Variants in ZSCAN12 observed in about 807,000 individuals in gnomAD.
ZSCAN12 encodes the protein zinc finger and SCAN domain-containing protein 12.
In ZSCAN12, 18 loss-of-function variants were observed where a neutral mutation model predicts 23.4. The ratio of observed to expected loss-of-function variants is 0.77; its 90% CI spans 0.53 to 1.14. The LOEUF is 1.14. Among genes scored for constraint, ZSCAN12 ranks in the 50% most tolerant of loss-of-function variants. ZSCAN12 has a pLI of 0.00. For synonymous variants in ZSCAN12, 186 were observed against 253.4 expected (o/e 0.73, Z 2.53); for missense variants, 650 against 735.0 (o/e 0.88, Z 1.34).
rs150809031 is a variant in ZSCAN12 at position 28,394,344 on chromosome 6, T to C, written c.403-1298A>G. On this transcript the variant is annotated intron_variant, in intron 2 of 3. Transcript: ENST00000684592. ...GATTGGCATACAACAGGTTCTCAAA[T>C]TACTCCCCCATTCTCTTCAAAGGTT... is the stretch of plus-strand genomic sequence containing the variant. 1.3e-3 allele frequency among the ~76,000 whole-genome samples: 197 copies of C among 152,312 alleles called. 6 individuals carry two copies. In the South Asian group the frequency reaches 0.035, roughly 27 times the overall value.
At position 28,391,809 on chromosome 6, in the gene ZSCAN12, G is replaced by T; in HGVS notation, c.548-67C>A. 1.6e-6 allele frequency: 2 copies of T among 1,286,816 alleles called. No homozygotes were observed. Among genetic ancestry groups the T allele is most frequent in the Non-Finnish European group, 2.1e-6 (2 of 967,766 alleles). The allele number at this position is 1,286,816 out of a possible 1,614,324, so 79.7% of individuals were successfully genotyped here. ...ATGTATCCATACATTTTAATATTAA[G>T]CAGCTGTTTAGAAATAAAAAATGCA... On this transcript the variant is annotated intron_variant, in intron 3 of 3. Transcript: ENST00000684592. The surrounding 1 kb of genome is among the most constrained non-coding windows in gnomAD (Gnocchi z 4.1).
rs763322065 is a variant in ZSCAN12, at chr6:28,386,791, G to T, written c.*3663C>A. Among the ~76,000 whole-genome samples the T allele has an allele frequency of 9.9e-5, 15 of 152,066 alleles. No individual in the cohort carries two copies. The highest frequency in any genetic ancestry group is 2.6e-4 in the Admixed American group (4 of 15,276). Reference sequence around the variant, plus strand: ...GTACTACAACTGTATTTAAGCATGAGAAATAACCAGAACAAAACCCCCACG... The same window carrying T: ...GTACTACAACTGTATTTAAGCATGATAAATAACCAGAACAAAACCCCCACG... On this transcript the variant is annotated 3_prime_UTR_variant, in exon 4 of 4. Coordinates refer to ENST00000684592, the MANE Select transcript of ZSCAN12 (RefSeq NM_001163391.2).
rs985384979 is a variant in ZSCAN12 at position 28,390,158 on chromosome 6, A to G, written c.*296T>C. 7.2e-5 allele frequency among the ~76,000 whole-genome samples: 11 copies of G among 152,208 alleles called. No individual in the cohort carries two copies. Among genetic ancestry groups the G allele is most frequent in the African/African-American group, 2.7e-4 (11 of 41,458 alleles). ...CAGCACTTATAGTCTGTTACAAAGT[A>G]CCACTTTCATTCGACACCATCTGGT... On this transcript the variant is annotated 3_prime_UTR_variant, in exon 4 of 4. Transcript: ENST00000684592.
chr6:28,396,440 C>G (rs2113996745), intron 2 of ZSCAN12, among the ~76,000 whole-genome samples: 1 of 152,234 alleles, frequency 6.6e-6, no homozygotes, highest in East Asian at 1.9e-4. Flanking sequence ...CTTAAAATCC[C>G]TAGTGTTTAG....
At position 28,391,460 on chromosome 6, in the gene ZSCAN12, T is replaced by A; in HGVS notation, c.830A>T (p.Asp277Val). ...CTGACTAAAAGCTTTTCCACAGTCA[T>A]CACATCCGTAAGATTCTTCTCCTGG... Reference protein sequence around the residue: ...ICPGEESYGCDDCGKAFSQHS... With the variant: ...ICPGEESYGCVDCGKAFSQHS... Residue 277 changes from aspartate to valine, a missense_variant, in exon 4 of 4, where the codon GAT becomes GTT. Asp to Val is a radical substitution (Grantham distance 152, BLOSUM62 -3). Coordinates refer to ENST00000684592, the MANE Select transcript of ZSCAN12 (RefSeq NM_001163391.2). The surrounding 1 kb of genome is among the most constrained non-coding windows in gnomAD (Gnocchi z 4.1). 2.6e-6 allele frequency: 4 copies of A among 1,551,886 alleles called. No homozygotes were observed. The highest frequency in any genetic ancestry group is 3.5e-6 in the Non-Finnish European group (4 of 1,147,046).
downstream of ZSCAN12, chr6:28,382,204 T>C: frequency 3.5e-6 from 1 of 286,150 alleles, no homozygotes; most frequent in Non-Finnish European, 6.4e-6. Context: ...TATCTGCAGC[T>C]TCACAAGTAG....
chr6:28,399,156 T>G (rs9468369), intron 1 of ZSCAN12, among the ~76,000 whole-genome samples: 4 of 152,212 alleles, frequency 2.6e-5, no homozygotes, highest in African/African-American at 9.6e-5. Flanking sequence ...TCCAGATGTC[T>G]GGTGGAAACC....
Position 28,391,355 on chromosome 6 carries a change from C to T in ZSCAN12, c.935G>A (p.Arg312His), listed in dbSNP as rs866350017. 5.9e-5 allele frequency: 91 copies of T among 1,552,128 alleles called. No individual in the cohort carries two copies. Among genetic ancestry groups the T allele is most frequent in the Middle Eastern group, 5.0e-4 (3 of 5,994 alleles). The part of the protein sequence containing the change: ...YKCEECGKAF[R>H]GRTVLIRHKI... ...GTGTCGAATAAGCACAGTTCTCCCACGGAAAGCTTTTCCACATTCTTCGCA... is the reference window on the plus strand; with the variant it reads ...GTGTCGAATAAGCACAGTTCTCCCATGGAAAGCTTTTCCACATTCTTCGCA... Residue 312 changes from arginine to histidine, a missense_variant, in exon 4 of 4, where the codon CGT (arginine) becomes CAT (histidine). Coordinates refer to ENST00000684592, the MANE Select transcript of ZSCAN12 (RefSeq NM_001163391.2). This position sits in a 1 kb window ranked among gnomAD's most constrained non-coding sequence, Gnocchi z 4.1.
rs1457046061 is a variant in ZSCAN12, at chr6:28,389,947, A to G, written c.*507T>C. On this transcript the variant is annotated 3_prime_UTR_variant, in exon 4 of 4. Transcript: ENST00000684592. ...GCTATTGATTGCCCAATTTGCACGA[A>G]CCTTTTACTTCAGGTTGGCTAGTCT... is the stretch of plus-strand genomic sequence containing the variant. 6.6e-6 allele frequency among the ~76,000 whole-genome samples: 1 copy of G among 152,136 alleles called. No individual in the cohort carries two copies. The highest frequency in any genetic ancestry group is 1.5e-5 in the Non-Finnish European group (1 of 68,018).
chr6:28,391,582 G>A lies in ZSCAN12; in HGVS notation c.708C>T (p.Pro236=), dbSNP rs992559906. 2 of 1,552,136 alleles carry A rather than the reference G, an allele frequency of 1.3e-6. No homozygotes were observed. Among genetic ancestry groups the A allele is most frequent in the African/African-American group, 2.7e-5 (2 of 73,038 alleles). The change falls in exon 4 of 4, where the codon CCC becomes CCT. Residue 236 remains proline (P), a synonymous_variant. Coordinates refer to ENST00000684592, the MANE Select transcript of ZSCAN12 (RefSeq NM_001163391.2). This position sits in a 1 kb window ranked among gnomAD's most constrained non-coding sequence, Gnocchi z 4.1. ...GTTTATCTTCTCTGGAGCAAGCAGAGGGCTCTTCTGTTATTTCTTCAGGTT... is the reference window on the plus strand; with the variant it reads ...GTTTATCTTCTCTGGAGCAAGCAGAAGGCTCTTCTGTTATTTCTTCAGGTT... ...TREPEEITEE[P]SACSREDKQP...
chr6:28,383,464 T>G (rs1760386842), downstream of ZSCAN12, among the ~76,000 whole-genome samples: 1 of 152,110 alleles, frequency 6.6e-6, no homozygotes, highest in South Asian at 2.1e-4. Flanking sequence ...TTCTCTAGGA[T>G]TCTGGAGGCT....
At chr6:28,394,624 C>T (rs1008647953) in intron 2 of ZSCAN12, among the ~76,000 whole-genome samples, 25 of 152,168 alleles carry the variant, frequency 1.6e-4, no homozygotes, top group African/African-American at 5.3e-4. Flanking sequence ...TTATATGCCC[C>T]TGCAGTGCTT....
chr6:28,394,151 G>C (rs1316147085), intron 2 of ZSCAN12, among the ~76,000 whole-genome samples: 1 of 151,994 alleles, frequency 6.6e-6, no homozygotes, highest in Non-Finnish European at 1.5e-5. Context: ...ATTTCCTCTT[G>C]CATTTAAAAA....
chr6:28,397,679 C>T (rs1761181637), intron 2 of ZSCAN12, among the ~76,000 whole-genome samples: 1 of 152,134 alleles, frequency 6.6e-6, no homozygotes, highest in African/African-American at 2.4e-5. Context: ...TATTGTGCAA[C>T]AGAGTGATGC....
rs1318713083 is a variant in ZSCAN12 at position 28,391,495 on chromosome 6, C to G, written c.795G>C (p.Gln265His). ...LTENSDHTEH[Q>H]RICPGEESYG... The stretch of plus-strand genomic sequence containing the variant: ...AAGATTCTTCTCCTGGACAGATTCT[C>G]TGATGTTCAGTATGGTCAGAGTTCT... Residue 265 changes from glutamine to histidine, a missense_variant, in exon 4 of 4, where the codon CAG becomes CAC. Physicochemically the swap from Gln to His is conservative, Grantham distance 24. Coordinates refer to ENST00000684592, the MANE Select transcript of ZSCAN12 (RefSeq NM_001163391.2). This position sits in a 1 kb window ranked among gnomAD's most constrained non-coding sequence, Gnocchi z 4.1. 2 of 1,551,842 alleles carry G rather than the reference C, an allele frequency of 1.3e-6. No homozygotes were observed. Among genetic ancestry groups the G allele is most frequent in the Admixed American group, 2.0e-5 (1 of 50,984 alleles).
chr6:28,382,581 G>T, downstream of ZSCAN12: 1 of 1,545,282 alleles, frequency 6.5e-7, no homozygotes, highest in Non-Finnish European at 8.8e-7. Context: ...TGATTTTTCA[G>T]AAGTATTTCC....
intron 2 of ZSCAN12, among the ~76,000 whole-genome samples, chr6:28,397,170 C>A (rs1761151975): frequency 6.6e-6 from 1 of 151,872 alleles, no homozygotes; most frequent in Admixed American, 6.6e-5. Context: ...CAGCACCTCC[C>A]CGAGTGATCC....
intron 2 of ZSCAN12, among the ~76,000 whole-genome samples, chr6:28,397,420 A>T (rs1761167942): frequency 6.6e-6 from 1 of 152,130 alleles, no homozygotes; most frequent in Non-Finnish European, 1.5e-5. Context: ...ATAAAATCTC[A>T]ATTCCAGAGG....
intron 2 of ZSCAN12, among the ~76,000 whole-genome samples, chr6:28,397,171 C>T (rs1013455422): frequency 5.3e-5 from 8 of 151,878 alleles, no homozygotes; most frequent in African/African-American, 1.5e-4. Context: ...AGCACCTCCC[C>T]GAGTGATCCA....
Sources: allele counts gnomAD v4.1 joint callset (sites outside exome capture counted in the v4.1 genomes callset), GRCh38; gene constraint gnomAD v4.1.1; non-coding constraint Gnocchi (gnomAD v3.1); transcripts MANE v1.5; gene names NCBI Gene and HGNC (gene_info 2026-07-23, HGNC 2026-07-21).